Variants in DPH6 observed in about 807,000 individuals in gnomAD.
The protein encoded by DPH6 is diphthine--ammonia ligase.
Under a neutral mutation model 38.2 loss-of-function variants are expected in DPH6, and 33 were observed. The observed-to-expected ratio is 0.86, with a 90% confidence interval of 0.65 to 1.15. The LOEUF is 1.15. Ranked by LOEUF, DPH6 falls within the 50% of genes most tolerant of loss-of-function variation. The pLI is 0.00. For missense variants in DPH6, 325 were observed against 320.0 expected (o/e 1.02, Z -0.12); for synonymous variants, 108 against 103.0 (o/e 1.05, Z -0.30).
the DPH6 span, among the ~76,000 whole-genome samples, chr15:35,182,563 C>T: frequency 6.6e-6 from 1 of 151,788 alleles, no homozygotes. Flanking sequence ...ATATAACATG[C>T]CTTTGCAAAT....
chr15:35,360,217 C>T (rs1418332885), intron 3 of DPH6, among the ~76,000 whole-genome samples: 2 of 152,122 alleles, frequency 1.3e-5, no homozygotes, highest in African/African-American at 4.8e-5. Context: ...TCCAAGATCA[C>T]GATTAACTGG....
chr15:35,310,593 C>T (rs2052132736), intron 3 of DPH6, among the ~76,000 whole-genome samples: 1 of 152,026 alleles, frequency 6.6e-6, no homozygotes, highest in South Asian at 2.1e-4. Flanking sequence ...TATATGAATG[C>T]CTTTTAGAAC....
At position 35,271,660 on chromosome 15, in the gene DPH6, G is replaced by A. The variant is rs537606764; in HGVS notation, n.201-51078C>T. Among the ~76,000 whole-genome samples, 6 of 152,332 alleles carry A rather than the reference G, an allele frequency of 3.9e-5. No homozygotes were observed. In the East Asian group the frequency reaches 5.8e-4, roughly 15 times the overall value. On this transcript the variant is annotated intron_variant and non_coding_transcript_variant, in intron 3 of 3. Coordinates refer to the DPH6 transcript ENST00000560386. ...ACTATGCAGGGCAAAGCTGACCCAC[G>A]ATGGTGGTAGAATTCTCTGTCCCAG...
the DPH6 span, among the ~76,000 whole-genome samples, chr15:35,188,294 T>C: frequency 6.6e-5 from 10 of 152,166 alleles, no homozygotes; most frequent in Admixed American, 5.9e-4. Flanking sequence ...TCTAGGAACA[T>C]TGGACGGGTA....
At chr15:35,502,627 T>G (rs2141199138) in intron 3 of DPH6, among the ~76,000 whole-genome samples, 1 of 151,974 alleles carries the variant, frequency 6.6e-6, no homozygotes, top group East Asian at 1.9e-4. Context: ...AATAGCTTTT[T>G]AAATTACATA....
At chr15:35,392,723 G>A (rs975570998) in intron 6 of DPH6, among the ~76,000 whole-genome samples, 1 of 152,170 alleles carries the variant, frequency 6.6e-6, no homozygotes, top group African/African-American at 2.4e-5. Context: ...ATGAAATGCT[G>A]TGACAGTATA....
At chr15:35,368,702 C>T (rs868855711), downstream of DPH6, among the ~76,000 whole-genome samples, 12 of 151,834 alleles carry the variant, frequency 7.9e-5, no homozygotes, top group African/African-American at 2.9e-4. Context: ...TTCCAACATT[C>T]TGTGGTTGAG....
chr15:35,494,029 T>C (rs925094847), intron 3 of DPH6, among the ~76,000 whole-genome samples: 1 of 152,126 alleles, frequency 6.6e-6, no homozygotes, highest in African/African-American at 2.4e-5. Context: ...TTATTAGCTA[T>C]GTGGCCTTTA....
At chr15:35,416,181 T>C (rs886582300) in intron 5 of DPH6, among the ~76,000 whole-genome samples, 2 of 152,004 alleles carry the variant, frequency 1.3e-5, no homozygotes, top group African/African-American at 4.8e-5. Flanking sequence ...TTAGAGAGTT[T>C]ACAAATTTGC....
downstream of DPH6, among the ~76,000 whole-genome samples, chr15:35,370,639 A>G (rs1595505559): frequency 1.3e-5 from 2 of 151,748 alleles, no homozygotes; most frequent in African/African-American, 4.8e-5. Context: ...ATGAGAGAAC[A>G]CTTCAGACCT....
chr15:35,171,182 C>A, the DPH6 span, among the ~76,000 whole-genome samples: 4 of 152,234 alleles, frequency 2.6e-5, no homozygotes, highest in Admixed American at 6.5e-5. Flanking sequence ...TAGCTTTCTT[C>A]TTCAAAGCAA....
At chr15:35,477,394 T>A (rs1274414621) in intron 3 of DPH6, among the ~76,000 whole-genome samples, 4 of 151,794 alleles carry the variant, frequency 2.6e-5, no homozygotes, top group African/African-American at 9.7e-5. Context: ...AAAAAATGAA[T>A]TATAATACAA....
chr15:35,207,038 CTT>C, the DPH6 span, among the ~76,000 whole-genome samples: 5,215 of 73,716 alleles, frequency 0.071, 121 homozygotes, highest in African/African-American at 0.09. Context: ...TTTAGTAAAG[CTT>C]TTTTTTTTTT....
rs538337394 is a variant in DPH6 at position 35,241,030 on chromosome 15, A to G, written n.201-20448T>C. On this transcript the variant is annotated intron_variant and non_coding_transcript_variant, in intron 3 of 3. Coordinates refer to the DPH6 transcript ENST00000560386. ...AGGTGTTCCTCCAGAACCTCCTCCCACAGGAGCTTGCTACACGTGCCGGAA... is the reference window on the plus strand; with the variant it reads ...AGGTGTTCCTCCAGAACCTCCTCCCGCAGGAGCTTGCTACACGTGCCGGAA... Among the ~76,000 whole-genome samples, 1,294 of 142,822 alleles carry G rather than the reference A, an allele frequency of 9.1e-3. 135 individuals carry two copies. Among genetic ancestry groups the G allele is most frequent in the Non-Finnish European group, 0.013 (837 of 65,036 alleles). 93.7% of individuals were successfully genotyped at this position (142,822 alleles called of 152,430 possible).
intron 3 of DPH6, among the ~76,000 whole-genome samples, chr15:35,252,333 C>T (rs931204832): frequency 6.6e-6 from 1 of 151,928 alleles, no homozygotes; most frequent in Non-Finnish European, 1.5e-5. Context: ...TTAAGAGAAA[C>T]AAGCCTATAA....
intron 5 of DPH6, among the ~76,000 whole-genome samples, chr15:35,430,481 C>A (rs1271651621): frequency 1.3e-5 from 2 of 151,414 alleles, no homozygotes; most frequent in Non-Finnish European, 2.9e-5. Flanking sequence ...TCTAATGACT[C>A]CTGCCCAAGG....
intron 3 of DPH6, among the ~76,000 whole-genome samples, chr15:35,354,837 C>T (rs1489382552): frequency 1.3e-5 from 2 of 151,774 alleles, no homozygotes; most frequent in African/African-American, 4.8e-5. Context: ...TCCTGGATAT[C>T]CTTGTTAACT....
chr15:35,406,340 C>T (rs1381469082), intron 6 of DPH6, among the ~76,000 whole-genome samples: 1 of 151,976 alleles, frequency 6.6e-6, no homozygotes, highest in Admixed American at 6.6e-5. Flanking sequence ...CATTTTCCCC[C>T]AAGGACAGAT....
intron 3 of DPH6, among the ~76,000 whole-genome samples, chr15:35,495,575 T>C (rs1265828063): frequency 1.3e-5 from 2 of 152,046 alleles, no homozygotes; most frequent in Non-Finnish European, 2.9e-5. Flanking sequence ...CAAAATATTA[T>C]ACAAAGGAAA....
Sources: gnomAD v4.1 joint callset for allele counts (sites outside exome capture counted in the v4.1 genomes callset) on GRCh38, gnomAD v4.1.1 for gene constraint, MANE v1.5 for transcripts, NCBI Gene and HGNC (gene_info 2026-07-23, HGNC 2026-07-21) for gene names.